Variants in GABRB1 observed in about 807,000 individuals in gnomAD.
The protein encoded by GABRB1 is gamma-aminobutyric acid type A receptor subunit beta1.
In GABRB1, 17 loss-of-function variants were observed where a neutral mutation model predicts 51.6. That is an observed-to-expected ratio of 0.33 (90% CI 0.23 to 0.49). The LOEUF (loss-of-function observed/expected upper bound fraction) is 0.49. Ranked by LOEUF, GABRB1 falls within the 20% of genes least tolerant of loss-of-function variation. The pLI is 0.99. For synonymous variants in GABRB1, 247 were observed against 218.9 expected (o/e 1.13, Z -1.14); for missense variants, 410 against 600.6 (o/e 0.68, Z 3.32).
chr4:47,017,770 A>C (rs1017109113), intron 1 of GABRB1, among the ~76,000 whole-genome samples: 2 of 152,176 alleles, frequency 1.3e-5, no homozygotes, highest in African/African-American at 4.8e-5. Context: ...CTCATCTCTC[A>C]ATCAAAATTT....
intron 4 of GABRB1, among the ~76,000 whole-genome samples, chr4:47,302,172 A>G (rs1054450369): frequency 1.5e-4 from 23 of 152,118 alleles, no homozygotes; most frequent in African/African-American, 4.8e-4. Context: ...ACAATTCCCA[A>G]TGTACAGGGG....
At chr4:47,165,049 A>G (rs1363167778) in intron 4 of GABRB1, among the ~76,000 whole-genome samples, 1 of 152,034 alleles carries the variant, frequency 6.6e-6, no homozygotes, top group African/African-American at 2.4e-5. Context: ...GTGTTAGGAG[A>G]CCAGAACTTT....
intron 3 of GABRB1, among the ~76,000 whole-genome samples, chr4:47,072,003 G>A (rs1044939515): frequency 2.7e-5 from 4 of 148,988 alleles, no homozygotes; most frequent in Non-Finnish European, 5.9e-5. Context: ...GATTTACAGA[G>A]GAAATGAAGT....
intron 4 of GABRB1, among the ~76,000 whole-genome samples, chr4:47,211,858 T>A (rs771458333): frequency 6.6e-6 from 1 of 152,202 alleles, no homozygotes; most frequent in Non-Finnish European, 1.5e-5. Context: ...CTCACCTGAT[T>A]CCAGTCTGTT....
chr4:47,066,181 A>G (rs571053603), intron 3 of GABRB1, among the ~76,000 whole-genome samples: 1 of 152,356 alleles, frequency 6.6e-6, no homozygotes, highest in South Asian at 2.1e-4. Flanking sequence ...TTTACACTAT[A>G]TTACAGTCTA....
intron 4 of GABRB1, among the ~76,000 whole-genome samples, chr4:47,218,741 C>T (rs564508436): frequency 2.6e-5 from 4 of 151,772 alleles, no homozygotes; most frequent in African/African-American, 4.8e-5. Flanking sequence ...CTCTTTTCTC[C>T]GCATTCCAAG....
intron 5 of GABRB1, among the ~76,000 whole-genome samples, chr4:47,381,239 A>C (rs1225054928): frequency 6.6e-6 from 1 of 152,078 alleles, no homozygotes; most frequent in African/African-American, 2.4e-5. Context: ...GCCAGCCTCT[A>C]ACTTCAGCTG....
At chr4:47,170,123 C>T (rs2109752849) in intron 4 of GABRB1, among the ~76,000 whole-genome samples, 1 of 152,182 alleles carries the variant, frequency 6.6e-6, no homozygotes, top group South Asian at 2.1e-4. Context: ...AACTAAAAAC[C>T]TGTGACCTGA....
At chr4:47,152,681 C>T (rs1717514151) in intron 3 of GABRB1, among the ~76,000 whole-genome samples, 1 of 151,974 alleles carries the variant, frequency 6.6e-6, no homozygotes, top group Non-Finnish European at 1.5e-5. Flanking sequence ...ACCCACAACA[C>T]AAACCCATCT....
At chr4:47,158,677 G>A (rs960780494) in intron 3 of GABRB1, among the ~76,000 whole-genome samples, 11 of 151,908 alleles carry the variant, frequency 7.2e-5, no homozygotes, top group Admixed American at 4.6e-4. Flanking sequence ...TTCCTATACT[G>A]GCTGAATTAT....
At chr4:47,377,872 A>T (rs1040630363) in intron 5 of GABRB1, among the ~76,000 whole-genome samples, 2 of 152,132 alleles carry the variant, frequency 1.3e-5, no homozygotes, top group Admixed American at 1.3e-4. Context: ...TGGTATGTTT[A>T]CAAACCTTGA....
chr4:47,308,383 A>C (rs1278585585), intron 4 of GABRB1, among the ~76,000 whole-genome samples: 1 of 152,070 alleles, frequency 6.6e-6, no homozygotes, highest in Non-Finnish European at 1.5e-5. Context: ...TGCTTATTTG[A>C]ATAGAAAGTA....
intron 3 of GABRB1, among the ~76,000 whole-genome samples, chr4:47,103,155 A>G (rs982082947): frequency 1.3e-5 from 2 of 152,046 alleles, no homozygotes; most frequent in Non-Finnish European, 2.9e-5. Context: ...ATCAGTGAAG[A>G]CATTCAAGAC....
intron 3 of GABRB1, among the ~76,000 whole-genome samples, chr4:47,111,308 A>G (rs998388470): frequency 6.6e-6 from 1 of 152,122 alleles, no homozygotes; most frequent in Non-Finnish European, 1.5e-5. Context: ...TGTCCAACTA[A>G]GGAATGTAAC....
intron 3 of GABRB1, among the ~76,000 whole-genome samples, chr4:47,155,319 A>G (rs999892335): frequency 7.2e-5 from 11 of 152,112 alleles, no homozygotes; most frequent in Non-Finnish European, 1.2e-4. Flanking sequence ...TTTTACGGGG[A>G]ACAGAGGCCT....
At chr4:47,179,821 C>T (rs1267645951) in intron 4 of GABRB1, among the ~76,000 whole-genome samples, 1 of 152,024 alleles carries the variant, frequency 6.6e-6, no homozygotes, top group Admixed American at 6.6e-5. Flanking sequence ...TAACCTGTGC[C>T]TTGACTCTAT....
chr4:47,164,433 A>G (rs183394635), intron 4 of GABRB1, among the ~76,000 whole-genome samples: 1 of 152,074 alleles, frequency 6.6e-6, no homozygotes, highest in African/African-American at 2.4e-5. Context: ...ACATATTGGC[A>G]TATTTATAGC....
At chr4:47,340,325 C>T (rs1053055972) in intron 5 of GABRB1, among the ~76,000 whole-genome samples, 1 of 152,106 alleles carries the variant, frequency 6.6e-6, no homozygotes, top group African/African-American at 2.4e-5. Flanking sequence ...GTGAATCTCA[C>T]ATCAGCCCAT....
At chr4:47,019,888 A>ATATATGTAAATG in intron 1 of GABRB1, among the ~76,000 whole-genome samples, 1 of 139,676 alleles carries the variant, frequency 7.2e-6, no homozygotes, top group South Asian at 2.3e-4. Context: ...TATATATATA[A>ATATATGTAAATG]TATATGTATA....
Sources: gnomAD v4.1 joint callset for allele counts (sites outside exome capture counted in the v4.1 genomes callset) on GRCh38, gnomAD v4.1.1 for gene constraint, MANE v1.5 for transcripts, NCBI Gene and HGNC (gene_info 2026-07-23, HGNC 2026-07-21) for gene names.